The following EPN1 variants were observed in gnomAD, a reference collection of about 807,000 sequenced individuals.
EPN1 encodes epsin-1.
In EPN1, 25 loss-of-function variants were observed where a neutral mutation model predicts 56.9. The observed-to-expected ratio is 0.44, with a 90% CI of 0.32 to 0.61. EPN1 has a LOEUF of 0.61. EPN1 is among the 20% of genes least tolerant of loss of function. EPN1 has a pLI of 0.05. For missense variants in EPN1, 785 were observed against 823.7 expected, an observed-to-expected ratio of 0.95 and a Z score of 0.58; for synonymous variants, 411 against 361.8, an observed-to-expected ratio of 1.14 and a Z score of -1.54.
chr19:55,694,842 C>T lies in EPN1; in HGVS notation c.1381C>T (p.Pro461Ser). The T allele has an allele frequency of 6.2e-7, 1 of 1,609,732 alleles. No individual in the cohort carries two copies. Among genetic ancestry groups the T allele is most frequent in the Non-Finnish European group, 8.5e-7 (1 of 1,178,320 alleles). The stretch of plus-strand genomic sequence containing the variant: ...GGGCAGCCCCCCACCTGCAGCCACA[C>T]CAACTCCCACGCCCCCCACCCGGAA... ...AVGSPPPAATPTPTPPTRKTP... is the reference protein window; with the variant it reads ...AVGSPPPAATSTPTPPTRKTP... Residue 461 changes from proline to serine, a missense_variant, in exon 10 of 11, where the codon CCA becomes TCA. Around this residue, in one of 2 missense-constraint regions of EPN1, gnomAD observed 650 missense variants for 605.0 expected, o/e 1.07. Transcript: ENST00000270460. The surrounding 1 kb of genome is among the most constrained non-coding windows in gnomAD (Gnocchi z 4.2).
In EPN1 at chr19:55,706,977, C is replaced by A. The variant is rs1488016104; in HGVS notation, c.*11621C>A. The A allele has an allele frequency of 2.0e-5, 3 of 152,184 alleles. No homozygotes were observed. The highest frequency in any genetic ancestry group is 4.4e-5 in the Non-Finnish European group (3 of 68,058). 9.4% of individuals were successfully genotyped at this position (152,184 alleles called of 1,614,324 possible). ...ATTACCTCAGGTCAGGAGTTTGAGA[C>A]CAGCCTGACCAACATGGCAAAACCC... On this transcript the variant is annotated 3_prime_UTR_variant, in exon 11 of 11. Transcript: ENST00000270460.
Position 55,695,082 on chromosome 19 carries a change from C to A in EPN1, c.1523-66C>A. 1 of 1,608,308 alleles carries A rather than the reference C, an allele frequency of 6.2e-7. No homozygotes were observed. Among genetic ancestry groups the A allele is most frequent in the Non-Finnish European group, 8.5e-7 (1 of 1,176,696 alleles). ...ACACTTCGCCCTTTGCCTGCACATG[C>A]TGGATGGACACAGGTGGGCTGCGCC... On this transcript the variant is annotated intron_variant, in intron 10 of 10. Coordinates refer to ENST00000270460, the MANE Select transcript of EPN1 (RefSeq NM_001130072.2). The surrounding 1 kb of genome is among the most constrained non-coding windows in gnomAD (Gnocchi z 4.4).
At chr19:55,681,381 G>A (rs1386009537) in intron 2 of EPN1, among the ~76,000 whole-genome samples, 3 of 152,156 alleles carry the variant, frequency 2.0e-5, no homozygotes, top group Non-Finnish European at 4.4e-5. Flanking sequence ...GGAGGTGGTA[G>A]AGCCAAGAGG....
chr19:55,699,697 C>T lies in EPN1; in HGVS notation c.*4341C>T, dbSNP rs559932235. The T allele has an allele frequency of 2.6e-5, 4 of 152,288 alleles. No homozygotes were observed. The highest frequency in any genetic ancestry group is 6.5e-5 in the Admixed American group (1 of 15,302). The allele number at this position is 152,288 out of a possible 1,614,324, so 9.4% of individuals were successfully genotyped here. A position where few individuals can be genotyped will look rare whatever the true frequency, so the allele number is the denominator to read the frequency against. On this transcript the variant is annotated 3_prime_UTR_variant, in exon 11 of 11. Transcript: ENST00000270460. ...CTTCAACAAAAAGTGTGCTGACCCC[C>T]GGTGATTGCTTGTATGTGGCAGGGG...
At position 55,694,630 on chromosome 19, in the gene EPN1, C is replaced by A; in HGVS notation, c.1265-96C>A. 1 of 1,415,816 alleles carries A rather than the reference C, an allele frequency of 7.1e-7. No homozygotes were observed. The allele number at this position is 1,415,816 out of a possible 1,614,324, so 87.7% of individuals were successfully genotyped here. On this transcript the variant is annotated intron_variant, in intron 9 of 10. Coordinates refer to ENST00000270460, the MANE Select transcript of EPN1 (RefSeq NM_001130072.2). The surrounding 1 kb of genome is among the most constrained non-coding windows in gnomAD (Gnocchi z 4.2). ...CTTCCCGAGGCCTCTGGGCACCGGG[C>A]TCTTTGAAGCGCCCCCTATGATGGC... is the stretch of plus-strand genomic sequence containing the variant.
chr19:55,688,568 G>T (rs1449192604), intron 3 of EPN1, among the ~76,000 whole-genome samples: 1 of 152,172 alleles, frequency 6.6e-6, no homozygotes, highest in Non-Finnish European at 1.5e-5. Flanking sequence ...GAGTCCTGGT[G>T]GTGGCAGGGC....
rs1244085394 is a variant in EPN1 at position 55,698,442 on chromosome 19, G to A, written c.*3086G>A. 1 of 152,278 alleles carries A rather than the reference G, an allele frequency of 6.6e-6. No homozygotes were observed. The highest frequency in any genetic ancestry group is 1.5e-5 in the Non-Finnish European group (1 of 68,140). The allele number at this position is 152,278 out of a possible 1,614,324, so 9.4% of individuals were successfully genotyped here. On this transcript the variant is annotated 3_prime_UTR_variant, in exon 11 of 11. Transcript: ENST00000270460. ...GGAAGGCACTTGAGGGAACCTTCCTGGAGCCCGTAGGAGCTTCATCCGAGC... is the reference window on the plus strand; with the variant it reads ...GGAAGGCACTTGAGGGAACCTTCCTAGAGCCCGTAGGAGCTTCATCCGAGC...
intron 3 of EPN1, 21 bp from the exon 4 acceptor site, chr19:55,688,849 C>T (rs987104675): frequency 8.9e-6 from 14 of 1,569,574 alleles, no homozygotes; most frequent in South Asian, 2.3e-5. Context: ...GGGTCTCACG[C>T]GTTTCTCACC....
At chr19:55,686,410 G>A (rs1986171039) in intron 3 of EPN1, among the ~76,000 whole-genome samples, 1 of 152,164 alleles carries the variant, frequency 6.6e-6, no homozygotes, top group African/African-American at 2.4e-5. Flanking sequence ...AGGTGCCTCA[G>A]TTAGTGGGGA....
chr19:55,708,784 T>C lies in EPN1; in HGVS notation c.*13428T>C. On this transcript the variant is annotated 3_prime_UTR_variant, in exon 11 of 11. Transcript: ENST00000270460. Reference sequence around the variant, plus strand: ...CTCCATAATCATATTGCTAGAACACTTAGGGAGTACCTCTGAAATCACAGC... The same window carrying C: ...CTCCATAATCATATTGCTAGAACACCTAGGGAGTACCTCTGAAATCACAGC... 1 of 625,146 alleles carries C rather than the reference T, an allele frequency of 1.6e-6. No homozygotes were observed. Among genetic ancestry groups the C allele is most frequent in the Non-Finnish European group, 2.7e-6 (1 of 366,900 alleles). 38.7% of individuals were successfully genotyped at this position (625,146 alleles called of 1,614,324 possible).
chr19:55,688,707 T>C (rs113151347), intron 3 of EPN1, among the ~76,000 whole-genome samples, 163 bp from the exon 4 acceptor site: 7 of 151,466 alleles, frequency 4.6e-5, no homozygotes, highest in African/African-American at 1.7e-4. Flanking sequence ...GCACCTGGCG[T>C]CTGGTCTCCG....
At chr19:55,682,974 C>G (rs2122176471) in intron 2 of EPN1, among the ~76,000 whole-genome samples, 1 of 151,944 alleles carries the variant, frequency 6.6e-6, no homozygotes, top group African/African-American at 2.4e-5. Context: ...CCAGGCTGGT[C>G]TCGAACTTCT....
In EPN1 at chr19:55,704,311, T is replaced by G. The variant is rs965571316; in HGVS notation, c.*8955T>G. The G allele has an allele frequency of 6.6e-6, 1 of 151,210 alleles. No homozygotes were observed. The highest frequency in any genetic ancestry group is 2.4e-5 in the African/African-American group (1 of 41,298). 9.4% of individuals were successfully genotyped at this position (151,210 alleles called of 1,614,324 possible). On this transcript the variant is annotated 3_prime_UTR_variant, in exon 11 of 11. Coordinates refer to ENST00000270460, the MANE Select transcript of EPN1 (RefSeq NM_001130072.2). The stretch of plus-strand genomic sequence containing the variant: ...TATGTTGAAACCCTACCCCCCACCC[T>G]GCACCGACCCCGTACCCCAGAATGG...
Position 55,691,727 on chromosome 19 carries a change from G to T in EPN1, c.763-27G>T. ...CCCAGGCTTCCCACCACTTCTTCATGCTCCTTCTCTTCTCTCTCCCCCACA... is the reference window on the plus strand; with the variant it reads ...CCCAGGCTTCCCACCACTTCTTCATTCTCCTTCTCTTCTCTCTCCCCCACA... On this transcript the variant is annotated intron_variant, in intron 6 of 10. Transcript: ENST00000270460. This position sits in a 1 kb window ranked among gnomAD's most constrained non-coding sequence, Gnocchi z 5.6. 1 of 1,599,954 alleles carries T rather than the reference G, an allele frequency of 6.3e-7. No individual in the cohort carries two copies. Among genetic ancestry groups the T allele is most frequent in the Non-Finnish European group, 8.5e-7 (1 of 1,172,314 alleles).
rs905481969 is a variant in EPN1 at position 55,705,292 on chromosome 19, A to C, written c.*9936A>C. On this transcript the variant is annotated 3_prime_UTR_variant, in exon 11 of 11. Coordinates refer to ENST00000270460, the MANE Select transcript of EPN1 (RefSeq NM_001130072.2). Reference sequence around the variant, plus strand: ...GTCCAGGCAACTTTTTTGCCTACGGAAACACACAAAAACGAAAACAAACCA... The same window carrying C: ...GTCCAGGCAACTTTTTTGCCTACGGCAACACACAAAAACGAAAACAAACCA... The C allele has an allele frequency of 1.3e-5, 2 of 152,228 alleles. No homozygotes were observed. Among genetic ancestry groups the C allele is most frequent in the African/African-American group, 4.8e-5 (2 of 41,458 alleles). The allele number at this position is 152,228 out of a possible 1,614,324, so 9.4% of individuals were successfully genotyped here. A position where few individuals can be genotyped will look rare whatever the true frequency, so the allele number is the denominator to read the frequency against.
rs1463569483 is a variant in EPN1 at position 55,678,568 on chromosome 19, A to G, written c.-60A>G. On this transcript the variant is annotated 5_prime_UTR_variant, in exon 2 of 11. Coordinates refer to ENST00000270460, the MANE Select transcript of EPN1 (RefSeq NM_001130072.2). ...GCACCTGCCGCAGCCTTCGTCCGGG[A>G]GTCGCCCCATCTCTCCACGCATCGG... is the stretch of plus-strand genomic sequence containing the variant. 1 of 1,557,070 alleles carries G rather than the reference A, an allele frequency of 6.4e-7. No homozygotes were observed. Among genetic ancestry groups the G allele is most frequent in the South Asian group, 1.2e-5 (1 of 85,274 alleles).
In EPN1 at chr19:55,705,501, T is replaced by C. The variant is rs117277728; in HGVS notation, c.*10145T>C. 4,146 of 152,014 alleles carry C rather than the reference T, an allele frequency of 0.027. 95 individuals are homozygous for C. Among genetic ancestry groups the C allele is most frequent in the Middle Eastern group, 0.061 (18 of 294 alleles). 9.4% of individuals were successfully genotyped at this position (152,014 alleles called of 1,614,324 possible). On this transcript the variant is annotated 3_prime_UTR_variant, in exon 11 of 11. Coordinates refer to ENST00000270460, the MANE Select transcript of EPN1 (RefSeq NM_001130072.2). ...CCATCTCTACTAAAAATACAAAAAT[T>C]AGTCATGCATAGTGGCATGCACCTG...
chr19:55,695,086 A>T lies in EPN1; in HGVS notation c.1523-62A>T. 6.2e-7 allele frequency: 1 copy of T among 1,609,806 alleles called. No homozygotes were observed. Among genetic ancestry groups the T allele is most frequent in the Non-Finnish European group, 8.5e-7 (1 of 1,177,478 alleles). The stretch of plus-strand genomic sequence containing the variant: ...TTCGCCCTTTGCCTGCACATGCTGG[A>T]TGGACACAGGTGGGCTGCGCCACTG... On this transcript the variant is annotated intron_variant, in intron 10 of 10. Transcript: ENST00000270460. This position sits in a 1 kb window ranked among gnomAD's most constrained non-coding sequence, Gnocchi z 4.4.
rs1987181146 is a variant in EPN1 at position 55,702,323 on chromosome 19, A to G, written c.*6967A>G. ...TTTGTGCTGCTCTGCGCTGCTGCTT[A>G]TCTGTGTGTGCTAAAAGGGGAGGGA... is the stretch of plus-strand genomic sequence containing the variant. On this transcript the variant is annotated 3_prime_UTR_variant, in exon 11 of 11. Coordinates refer to ENST00000270460, the MANE Select transcript of EPN1 (RefSeq NM_001130072.2). The G allele has an allele frequency of 6.6e-6, 1 of 152,220 alleles. No individual in the cohort carries two copies. The highest frequency in any genetic ancestry group is 2.1e-4 in the South Asian group (1 of 4,830). The allele number at this position is 152,220 out of a possible 1,614,324, so 9.4% of individuals were successfully genotyped here.
Sources: allele counts gnomAD v4.1 joint callset (sites outside exome capture counted in the v4.1 genomes callset), GRCh38; gene constraint gnomAD v4.1.1; regional missense constraint gnomAD v4.1.1; non-coding constraint Gnocchi (gnomAD v3.1); transcripts MANE v1.5; gene names NCBI Gene and HGNC (gene_info 2026-07-23, HGNC 2026-07-21).